Variants in RBFOX1 observed in about 807,000 individuals in gnomAD.
RBFOX1 encodes RNA binding fox-1 homolog 1, also known as RNA binding protein fox-1 homolog 1.
A neutral mutation model predicts 57.7 loss-of-function variants in RBFOX1; 8 were observed. That is an observed-to-expected ratio of 0.14 (90% CI 0.08 to 0.25). The LOEUF (loss-of-function observed/expected upper bound fraction) is 0.25. Among genes scored for constraint, RBFOX1 ranks in the 10% least tolerant of loss-of-function variants. The pLI, the probability that RBFOX1 is intolerant of heterozygous loss-of-function variation, is 1.00. For synonymous variants in RBFOX1, 326 were observed against 222.4 expected (o/e 1.47, Z -4.15); for missense variants, 611 against 548.5 (o/e 1.11, Z -1.14).
chr16:5,410,069 A>G (rs2066977038), intron 1 of RBFOX1, among the ~76,000 whole-genome samples: 1 of 147,046 alleles, frequency 6.8e-6, no homozygotes, highest in South Asian at 2.2e-4. Flanking sequence ...AAAAAAAATA[A>G]TAATCAACAT....
chr16:6,331,724 C>T (rs2083060822), intron 2 of RBFOX1, among the ~76,000 whole-genome samples: 1 of 151,504 alleles, frequency 6.6e-6, no homozygotes, highest in African/African-American at 2.4e-5. Flanking sequence ...ACCAGTATGT[C>T]CTAAGTCCTG....
At chr16:7,041,572 G>C (rs535501988) in intron 3 of RBFOX1, among the ~76,000 whole-genome samples, 4 of 152,228 alleles carry the variant, frequency 2.6e-5, no homozygotes, top group African/African-American at 7.2e-5. Context: ...TTGAATTAAA[G>C]GAAATGGAAG....
intron 2 of RBFOX1, among the ~76,000 whole-genome samples, chr16:6,640,731 T>TA (rs1389073182): frequency 6.6e-6 from 1 of 152,034 alleles, no homozygotes; most frequent in Admixed American, 6.6e-5. Flanking sequence ...TAGAAAGGAA[T>TA]AAAAAAACTC....
chr16:6,987,851 G>A (rs1006793444), intron 3 of RBFOX1, among the ~76,000 whole-genome samples: 1 of 152,164 alleles, frequency 6.6e-6, no homozygotes, highest in Admixed American at 6.5e-5. Context: ...CAGGTTTATT[G>A]GGAGGGCATC....
At chr16:7,159,029 C>A (rs929957116) in intron 4 of RBFOX1, among the ~76,000 whole-genome samples, 1 of 151,908 alleles carries the variant, frequency 6.6e-6, no homozygotes. Context: ...CCCCTACCCC[C>A]GTCCCTACCT....
intron 1 of RBFOX1, among the ~76,000 whole-genome samples, chr16:5,396,302 C>G (rs148185975): frequency 2.0e-5 from 3 of 152,216 alleles, no homozygotes; most frequent in Admixed American, 6.5e-5. Flanking sequence ...TAGACCTTAT[C>G]CTGTAGTAGT....
At chr16:7,432,070 G>T (rs557681641) in intron 4 of RBFOX1, among the ~76,000 whole-genome samples, 1 of 152,208 alleles carries the variant, frequency 6.6e-6, no homozygotes, top group African/African-American at 2.4e-5. Flanking sequence ...TGTCACTTCA[G>T]CAGTGGGGGC....
intron 3 of RBFOX1, among the ~76,000 whole-genome samples, chr16:6,894,154 C>G (rs1349004481): frequency 1.3e-5 from 2 of 152,196 alleles, no homozygotes; most frequent in African/African-American, 2.4e-5. Flanking sequence ...TCTATAATTG[C>G]TACCTATCTC....
At chr16:6,760,778 C>A (rs113547557) in intron 3 of RBFOX1, among the ~76,000 whole-genome samples, 1 of 152,174 alleles carries the variant, frequency 6.6e-6, no homozygotes, top group South Asian at 2.1e-4. Flanking sequence ...TGAGCAGTCA[C>A]GTATTTCACA....
At chr16:5,585,756 T>A (rs1190487320) in intron 2 of RBFOX1, among the ~76,000 whole-genome samples, 2 of 152,164 alleles carry the variant, frequency 1.3e-5, no homozygotes, top group Non-Finnish European at 2.9e-5. Context: ...TAACTGTATG[T>A]GGCCATCACC....
intron 1 of RBFOX1, among the ~76,000 whole-genome samples, chr16:6,033,847 A>C (rs1358648174): frequency 6.6e-6 from 1 of 152,240 alleles, no homozygotes; most frequent in African/African-American, 2.4e-5. Flanking sequence ...GACACTGCCA[A>C]ACCTGATGCT....
intron 3 of RBFOX1, among the ~76,000 whole-genome samples, chr16:7,036,009 C>T (rs1313295881): frequency 6.6e-6 from 1 of 152,102 alleles, no homozygotes; most frequent in African/African-American, 2.4e-5. Context: ...AGAATCCTTC[C>T]CATTTCTTAA....
At chr16:6,747,845 T>C (rs996392445) in intron 3 of RBFOX1, among the ~76,000 whole-genome samples, 1 of 152,192 alleles carries the variant, frequency 6.6e-6, no homozygotes, top group African/African-American at 2.4e-5. Flanking sequence ...AGAGTCATTT[T>C]TCTGACATAA....
At chr16:6,234,809 A>T (rs2097492473) in intron 1 of RBFOX1, among the ~76,000 whole-genome samples, 1 of 143,470 alleles carries the variant, frequency 7.0e-6, no homozygotes, top group South Asian at 2.1e-4. Context: ...CGCATGAACT[A>T]CACACAGACA....
At chr16:5,713,195 GC>G (rs1300592024) in intron 3 of RBFOX1, among the ~76,000 whole-genome samples, 1 of 152,160 alleles carries the variant, frequency 6.6e-6, no homozygotes, top group Non-Finnish European at 1.5e-5. Context: ...ATTTGCTTAA[GC>G]CATTTGGGGC....
At position 5,690,023 on chromosome 16, in the gene RBFOX1, A is replaced by C. The variant is rs375273554; in HGVS notation, c.318+91062A>C. Among the ~76,000 whole-genome samples, 3 of 152,198 alleles carry C rather than the reference A, an allele frequency of 2.0e-5. No individual in the cohort carries two copies. In the South Asian group the frequency reaches 6.2e-4, roughly 31 times the overall value. On this transcript the variant is annotated intron_variant, in intron 3 of 19. Transcript: ENST00000641259. ...GCAATTGCGTAAACTTTGCAGAGGA[A>C]AAGACCTGAGTGTGCTGGTGAAGCT...
At chr16:6,964,546 G>C (rs185017432) in intron 3 of RBFOX1, among the ~76,000 whole-genome samples, 1 of 152,286 alleles carries the variant, frequency 6.6e-6, no homozygotes, top group East Asian at 1.9e-4. Context: ...ATGCCTGTGT[G>C]GGGCCAGTGA....
chr16:6,957,079 TG>T (rs528067201), intron 3 of RBFOX1, among the ~76,000 whole-genome samples: 8,203 of 150,252 alleles, frequency 0.055, 752 homozygotes, highest in African/African-American at 0.19. Context: ...TGGTTGCCCA[TG>T]TTTTTTGGTT....
At chr16:6,759,140 T>C (rs1053762618) in intron 3 of RBFOX1, among the ~76,000 whole-genome samples, 2 of 120,876 alleles carry the variant, frequency 1.7e-5, no homozygotes, top group African/African-American at 6.2e-5. Flanking sequence ...TTCATATTAC[T>C]TATCAATTCT....
Sources: gnomAD v4.1 joint callset for allele counts (sites outside exome capture counted in the v4.1 genomes callset) on GRCh38, gnomAD v4.1.1 for gene constraint, MANE v1.5 for transcripts, NCBI Gene and HGNC (gene_info 2026-07-23, HGNC 2026-07-21) for gene names.